ADA2: variants seen among roughly 807,000 people sequenced by gnomAD.
ADA2 encodes adenosine deaminase 2, also known as adenosine deaminase CECR1.
Under a neutral mutation model 44.2 loss-of-function variants are expected in ADA2, and 29 were observed. The ratio of observed to expected loss-of-function variants is 0.66; its 90% CI spans 0.49 to 0.89. The LOEUF is 0.89. ADA2 is among the 40% of genes least tolerant of loss of function. ADA2 has a pLI of 0.00. For missense variants in ADA2, 637 were observed against 644.8 expected, an observed-to-expected ratio of 0.99 and a Z score of 0.13; for synonymous variants, 215 against 234.9, an observed-to-expected ratio of 0.92 and a Z score of 0.77.
upstream of ADA2, chr22:17,219,661 G>GATTTTTTTTTTTTTTTTTTTTTTT (rs1178590006): frequency 1.6e-5 from 2 of 125,660 alleles, no homozygotes; most frequent in African/African-American, 3.0e-5. Flanking sequence ...TGCATGTGGG[G>GATTTTTTTTTTTTTTTTTTTTTTT]TTTGTTTTTT....
At chr22:17,199,416 T>TCCTCCCTCCACTCCTCTATCCTCTTCC in intron 4 of ADA2, 1 of 429,640 alleles carries the variant, frequency 2.3e-6, no homozygotes, top group Non-Finnish European at 4.4e-6. Context: ...TCTCAGCGTC[T>TCCTCCCTCCACTCCTCTATCCTCTTCC]CCTCCCTCCC....
At chr22:17,184,502 G>A (rs1157473597) in intron 7 of ADA2, among the ~76,000 whole-genome samples, 1 of 152,154 alleles carries the variant, frequency 6.6e-6, no homozygotes, top group Non-Finnish European at 1.5e-5. Flanking sequence ...AAGTGGGGCA[G>A]AATCACCCAC....
At chr22:17,188,057 G>A (rs980910018) in intron 7 of ADA2, among the ~76,000 whole-genome samples, 72 of 150,480 alleles carry the variant, frequency 4.8e-4, no homozygotes, top group African/African-American at 1.7e-3. Flanking sequence ...TGAGCTGGGC[G>A]ACAGAGGGAG....
intron 4 of ADA2, among the ~76,000 whole-genome samples, chr22:17,192,288 G>A (rs1461585642): frequency 6.6e-6 from 1 of 152,100 alleles, no homozygotes; most frequent in Non-Finnish European, 1.5e-5. Context: ...GCACACGCGA[G>A]GGTAGGTGCC....
rs777039623 is a variant in ADA2, at chr22:17,203,821, C to G, written c.543-48G>C. Reference sequence around the variant, plus strand: ...AGTGGCAGAGGCATGATCCAGGACACTGCCCCCGGGCGCCCATAGGACTGC... The same window carrying G: ...AGTGGCAGAGGCATGATCCAGGACAGTGCCCCCGGGCGCCCATAGGACTGC... On this transcript the variant is annotated intron_variant, in intron 3 of 9. Transcript: ENST00000399837. 1.2e-5 allele frequency: 16 copies of G among 1,375,866 alleles called. No individual in the cohort carries two copies. The East Asian group carries it at 3.3e-4, about 28-fold the overall frequency. 85.2% of individuals were successfully genotyped at this position (1,375,866 alleles called of 1,614,324 possible).
intron 1 of ADA2, among the ~76,000 whole-genome samples, chr22:17,217,584 C>T (rs2062485583): frequency 6.6e-6 from 1 of 152,088 alleles, no homozygotes; most frequent in Non-Finnish European, 1.5e-5. Flanking sequence ...CTTTGGGAGG[C>T]TGAGGTGGGC....
At chr22:17,193,123 CT>C in intron 4 of ADA2, 1 of 1,374,664 alleles carries the variant, frequency 7.3e-7, no homozygotes, top group Non-Finnish European at 1.0e-6. Context: ...TGCCCAGTGG[CT>C]TCCAGAAGTT....
chr22:17,201,399 A>T (rs1380281488), intron 4 of ADA2, among the ~76,000 whole-genome samples: 1 of 152,182 alleles, frequency 6.6e-6, no homozygotes, highest in African/African-American at 2.4e-5. Flanking sequence ...CGGAGCGTAT[A>T]AAAGCCTACA....
chr22:17,210,707 C>T (rs1177609071), intron 1 of ADA2, among the ~76,000 whole-genome samples: 1 of 152,090 alleles, frequency 6.6e-6, no homozygotes, highest in East Asian at 1.9e-4. Flanking sequence ...AAGCGATTCT[C>T]GTGCCTCAGC....
At chr22:17,189,547 G>A (rs747811974) in intron 6 of ADA2, among the ~76,000 whole-genome samples, 31 of 152,310 alleles carry the variant, frequency 2.0e-4, no homozygotes, top group Admixed American at 3.3e-4. Context: ...CCCACCCCGC[G>A]TGCTACAGGG....
In ADA2 at chr22:17,200,410, G is replaced by A. The variant is rs190734264; in HGVS notation, c.753+3153C>T. Reference sequence around the variant, plus strand: ...TGCTCTGTCCACAAAACTGATGAAAGCTCCACTGCAAGGCAAAGTTAATGT... The same window carrying A: ...TGCTCTGTCCACAAAACTGATGAAAACTCCACTGCAAGGCAAAGTTAATGT... On this transcript the variant is annotated intron_variant, in intron 4 of 9. Coordinates refer to ENST00000399837, the MANE Select transcript of ADA2 (RefSeq NM_001282225.2). Among the ~76,000 whole-genome samples the A allele has an allele frequency of 4.5e-4, 68 of 152,220 alleles. 1 individual carries two copies. Among genetic ancestry groups the A allele is most frequent in the African/African-American group, 1.6e-3 (67 of 41,540 alleles).
At chr22:17,220,716 C>T (rs536602954), upstream of ADA2, among the ~76,000 whole-genome samples, 1 of 152,172 alleles carries the variant, frequency 6.6e-6, no homozygotes, top group African/African-American at 2.4e-5. Context: ...CCCAAATCTA[C>T]CCCCAAAAGC....
At chr22:17,187,452 C>A (rs2062048545) in intron 7 of ADA2, among the ~76,000 whole-genome samples, 1 of 151,984 alleles carries the variant, frequency 6.6e-6, no homozygotes, top group Admixed American at 6.6e-5. Flanking sequence ...TCATGCCTGG[C>A]TAATTTTTGT....
At chr22:17,195,804 AG>A (rs1474326524) in intron 4 of ADA2, among the ~76,000 whole-genome samples, 1 of 141,762 alleles carries the variant, frequency 7.1e-6, no homozygotes, top group Non-Finnish European at 1.5e-5. Flanking sequence ...TCTGTCACCC[AG>A]GCTGGAGTGC....
At chr22:17,216,139 A>G (rs1469376961) in intron 1 of ADA2, among the ~76,000 whole-genome samples, 1 of 152,088 alleles carries the variant, frequency 6.6e-6, no homozygotes, top group Non-Finnish European at 1.5e-5. Context: ...GTGAGCCGAT[A>G]TCGCACCACT....
rs1000891090 is a variant in ADA2, at chr22:17,194,916, C to T, written c.754-3106G>A. Among the ~76,000 whole-genome samples the T allele has an allele frequency of 3.9e-5, 6 of 152,010 alleles. No individual in the cohort carries two copies. In the East Asian group the frequency reaches 5.8e-4, roughly 15 times the overall value. The stretch of plus-strand genomic sequence containing the variant: ...GCCCACCTCATCTGCCTAAATTTCC[C>T]TTTGTGAAGGTGTCGCCCTCCCCTC... On this transcript the variant is annotated intron_variant, in intron 4 of 9. Coordinates refer to ENST00000399837, the MANE Select transcript of ADA2 (RefSeq NM_001282225.2).
chr22:17,189,827 T>A, intron 6 of ADA2, 115 bp downstream of exon 6: 1 of 716,378 alleles, frequency 1.4e-6, no homozygotes, highest in Non-Finnish European at 2.5e-6. Context: ...CCCTGGGATG[T>A]CAGGGTACCA....
intron 3 of ADA2, among the ~76,000 whole-genome samples, chr22:17,205,364 T>C (rs1661383769): frequency 6.6e-6 from 1 of 152,102 alleles, no homozygotes; most frequent in African/African-American, 2.4e-5. Flanking sequence ...TCCTCCCACC[T>C]CAGCCTCCCG....
intron 1 of ADA2, among the ~76,000 whole-genome samples, chr22:17,216,353 A>C (rs1239250269): frequency 1.3e-5 from 2 of 151,544 alleles, no homozygotes; most frequent in African/African-American, 4.9e-5. Flanking sequence ...TGACAGAGTG[A>C]AACCCTATCT....
Sources: gnomAD v4.1 joint callset for allele counts (sites outside exome capture counted in the v4.1 genomes callset) on GRCh38, gnomAD v4.1.1 for gene constraint, MANE v1.5 for transcripts, NCBI Gene and HGNC (gene_info 2026-07-23, HGNC 2026-07-21) for gene names.